Variants in MEGF6 observed in about 807,000 individuals in gnomAD.
The protein encoded by MEGF6 is multiple EGF like domains 6.
MEGF6 carries 184 observed loss-of-function variants against 207.1 expected under a neutral mutation model. That is an observed-to-expected ratio of 0.89 (90% CI 0.79 to 1.00). The LOEUF is 1.00. Ranked by LOEUF, MEGF6 falls within the 50% of genes least tolerant of loss-of-function variation. The probability of loss-of-function intolerance (pLI) is 0.00; values close to 1 mark genes in which losing one functional copy is unlikely to be tolerated. For missense variants in MEGF6, 2,282 were observed against 2,202.9 expected (o/e 1.04, Z -0.72); for synonymous variants, 1,038 against 910.0 (o/e 1.14, Z -2.53).
intron 20 of MEGF6, 91 bp downstream of exon 20, chr1:3,500,875 C>T: frequency 6.3e-7 from 1 of 1,599,686 alleles, no homozygotes; most frequent in Non-Finnish European, 8.5e-7. Flanking sequence ...TCCTGCAAGC[C>T]CCTAGTCCTC....
At chr1:3,621,660 G>C in the MEGF6 span, among the ~76,000 whole-genome samples, 2 of 152,186 alleles carry the variant, frequency 1.3e-5, no homozygotes, top group East Asian at 3.9e-4. Flanking sequence ...GACTAGTGGA[G>C]CTACGAGAAG....
chr1:3,499,318 T>C (rs760164839), intron 23 of MEGF6, 52 bp from the exon 24 acceptor site: 1 of 1,552,024 alleles, frequency 6.4e-7, no homozygotes, highest in Non-Finnish European at 8.7e-7. Flanking sequence ...ACCCCAGGGG[T>C]TGGCAGCAGA....
intron 5 of MEGF6, among the ~76,000 whole-genome samples, chr1:3,523,502 C>A (rs917679196): frequency 6.6e-6 from 1 of 152,164 alleles, no homozygotes; most frequent in Admixed American, 6.5e-5. Flanking sequence ...GCCAAGAGAC[C>A]CCGCAGAGGA....
intron 4 of MEGF6, among the ~76,000 whole-genome samples, chr1:3,569,267 C>T (rs1434857874): frequency 6.6e-6 from 1 of 152,252 alleles, no homozygotes; most frequent in East Asian, 1.9e-4. Context: ...CACCAATGCC[C>T]AGACACCACC....
At chr1:3,551,579 A>C (rs1275604117) in intron 4 of MEGF6, among the ~76,000 whole-genome samples, 1 of 152,102 alleles carries the variant, frequency 6.6e-6, no homozygotes, top group African/African-American at 2.4e-5. Context: ...ACATGCTCCC[A>C]GGATGCGGTC....
At chr1:3,528,553 T>C (rs1261331854) in intron 4 of MEGF6, among the ~76,000 whole-genome samples, 1 of 152,220 alleles carries the variant, frequency 6.6e-6, no homozygotes, top group Non-Finnish European at 1.5e-5. Flanking sequence ...GTTGAGGATC[T>C]GGATGGGAGG....
At chr1:3,598,119 G>A (rs1309115365) in intron 2 of MEGF6, among the ~76,000 whole-genome samples, 1 of 152,198 alleles carries the variant, frequency 6.6e-6, no homozygotes, top group East Asian at 1.9e-4. Context: ...CTCTGCCGCT[G>A]TCTGCAGGGG....
At position 3,505,516 on chromosome 1, in the gene MEGF6, C is replaced by A; in HGVS notation, c.1959G>T (p.Glu653Asp). The A allele has an allele frequency of 6.2e-7, 1 of 1,601,050 alleles. No individual in the cohort carries two copies. The highest frequency in any genetic ancestry group is 8.5e-7 in the Non-Finnish European group (1 of 1,175,544). The change falls in exon 16 of 37, where the codon GAG (glutamate) becomes GAT (aspartate). Residue 653 changes from glutamate to aspartate, a missense_variant. Transcript: ENST00000356575. ...GCGTGTGGGGCTGCACACACTGGCACTCCTCCGAGCAGCCCGGCCCAAAGG... is the reference window on the plus strand; with the variant it reads ...GCGTGTGGGGCTGCACACACTGGCAATCCTCCGAGCAGCCCGGCCCAAAGG... ...PWAFGPGCSE[E>D]CQCVQPHTQS...
chr1:3,527,103 C>T (rs1379662266), intron 4 of MEGF6, among the ~76,000 whole-genome samples: 2 of 152,256 alleles, frequency 1.3e-5, no homozygotes, highest in Non-Finnish European at 2.9e-5. Context: ...CCATGATCGG[C>T]TGTGACCACC....
rs2101015700 is a variant in MEGF6 at position 3,507,865 on chromosome 1, A to T, written c.1719T>A (p.Gly573=). The change falls in exon 14 of 37, where the codon GGT becomes GGA. Residue 573 remains glycine, a synonymous_variant. Coordinates refer to ENST00000356575, the MANE Select transcript of MEGF6 (RefSeq NM_001409.4). ...CCCCCGTGACAGAGTCGCAGGTCCC[A>T]CCATTCTGACAGCTGCAGGAGAAGC... ...NCSFSCSCQN[G]GTCDSVTGAC... 1 of 1,612,824 alleles carries T rather than the reference A, an allele frequency of 6.2e-7. No homozygotes were observed. Among genetic ancestry groups the T allele is most frequent in the African/African-American group, 1.3e-5 (1 of 75,048 alleles).
intron 1 of MEGF6, among the ~76,000 whole-genome samples, chr1:3,610,074 G>A (rs999983044): frequency 3.3e-5 from 5 of 152,260 alleles, no homozygotes; most frequent in Admixed American, 6.5e-5. Context: ...ATGTCCCGCC[G>A]TCATGTGGAG....
At chr1:3,551,099 G>A (rs953443932) in intron 4 of MEGF6, among the ~76,000 whole-genome samples, 1 of 152,238 alleles carries the variant, frequency 6.6e-6, no homozygotes, top group Non-Finnish European at 1.5e-5. Context: ...CGCTAGCGAT[G>A]CCAGCCTCCT....
In MEGF6 at chr1:3,507,859, G is replaced by C. The variant is rs1641173513; in HGVS notation, c.1725C>G (p.Thr575=). The change falls in exon 14 of 37, where the codon ACC becomes ACG. Residue 575 remains threonine (T), a synonymous_variant. Transcript: ENST00000356575. ...SFSCSCQNGG[T]CDSVTGACRC... ...GGCAGGCCCCCGTGACAGAGTCGCA[G>C]GTCCCACCATTCTGACAGCTGCAGG... 1.2e-6 allele frequency: 2 copies of C among 1,612,844 alleles called. No homozygotes were observed. The highest frequency in any genetic ancestry group is 1.7e-6 in the Non-Finnish European group (2 of 1,179,984).
intron 4 of MEGF6, among the ~76,000 whole-genome samples, chr1:3,528,982 C>T (rs1407071740): frequency 1.9e-4 from 29 of 152,196 alleles, no homozygotes; most frequent in Admixed American, 1.8e-3. Context: ...CACAGACACT[C>T]GGACCATCTG....
chr1:3,615,847 C>T (rs140869524), upstream of MEGF6, among the ~76,000 whole-genome samples: 9 of 152,334 alleles, frequency 5.9e-5, no homozygotes, highest in East Asian at 1.7e-3. Context: ...CCCAGGCCAC[C>T]ACTCCTGGGT....
intron 4 of MEGF6, among the ~76,000 whole-genome samples, chr1:3,532,190 G>T (rs868513546): frequency 6.6e-6 from 1 of 152,224 alleles, no homozygotes; most frequent in African/African-American, 2.4e-5. Flanking sequence ...GGCATAGCCC[G>T]GGGGAGGCAG....
chr1:3,537,211 C>T (rs1642360134), intron 4 of MEGF6, among the ~76,000 whole-genome samples: 1 of 152,252 alleles, frequency 6.6e-6, no homozygotes, highest in Non-Finnish European at 1.5e-5. Flanking sequence ...CAGTGCCCAG[C>T]CCAGTCTACC....
chr1:3,611,117 C>T, intron 1 of MEGF6, 21 bp downstream of exon 1: 1 of 1,485,786 alleles, frequency 6.7e-7, no homozygotes, highest in Non-Finnish European at 8.9e-7. Context: ...CGGCCGAGCC[C>T]TCCCAGCTCC....
chr1:3,513,353 T>TGC (rs760127028), intron 7 of MEGF6, among the ~76,000 whole-genome samples: 2 of 148,632 alleles, frequency 1.3e-5, no homozygotes, highest in African/African-American at 2.5e-5. Flanking sequence ...CTGGGACTCC[T>TGC]GCCTCGGCAT....
Sources: allele counts gnomAD v4.1 joint callset (sites outside exome capture counted in the v4.1 genomes callset), GRCh38; gene constraint gnomAD v4.1.1; transcripts MANE v1.5; gene names NCBI Gene and HGNC (gene_info 2026-07-23, HGNC 2026-07-21).